The following ANO8 variants were observed in gnomAD, a reference collection of about 807,000 sequenced individuals.
ANO8 encodes the protein anoctamin-8.
A neutral mutation model predicts 120.4 loss-of-function variants in ANO8; 67 were observed. The observed-to-expected ratio is 0.56, with a 90% CI of 0.46 to 0.68. The LOEUF (loss-of-function observed/expected upper bound fraction) is 0.68. ANO8 is among the 30% of genes least tolerant of loss of function. The pLI is 0.00. For missense variants in ANO8, 1,526 were observed against 1,737.6 expected (o/e 0.88, Z 2.16); for synonymous variants, 727 against 759.2 (o/e 0.96, Z 0.70).
chr19:17,323,311 CTGTGTGTG>C lies in ANO8; in HGVS notation c.*198_*205del, dbSNP rs58263758. The C allele has an allele frequency of 6.4e-4, 211 of 327,570 alleles. 2 individuals carry two copies. Among genetic ancestry groups the C allele is most frequent in the African/African-American group, 2.6e-3 (117 of 45,708 alleles). The allele number at this position is 327,570 out of a possible 1,614,324, so 20.3% of individuals were successfully genotyped here. On this transcript the variant is annotated 3_prime_UTR_variant, in exon 18 of 18. Transcript: ENST00000159087. ...AAAAACAAATAAATAATCGCCTGTT[CTGTGTGTG>C]TGTGTGTGTGTGTGTGTGTGTGTGT...
intron 13 of ANO8, 22 bp downstream of exon 13, chr19:17,328,140 C>G: frequency 1.3e-6 from 2 of 1,518,662 alleles, no homozygotes; most frequent in Non-Finnish European, 1.8e-6. Flanking sequence ...CCGCCCCCTG[C>G]GAGGCCCCGC....
At position 17,327,322 on chromosome 19, in the gene ANO8, G is replaced by T. The variant is rs1568358847; in HGVS notation, c.2574C>A (p.Tyr858Ter). 6.5e-7 allele frequency: 1 copy of T among 1,550,360 alleles called. No individual in the cohort carries two copies. Among genetic ancestry groups the T allele is most frequent in the East Asian group, 2.4e-5 (1 of 40,930 alleles). Reference protein sequence around the residue: ...VLEHFALLLKYLIHVAIPDIP... With the variant: ...VLEHFALLLK ...TATCGGGGATGGCCACGTGGATGAG[G>T]TACTTGAGGAGCAGAGCGAAGTGCT... Residue 858 changes from tyrosine (Y) to a stop codon, truncating the protein, a stop_gained, in exon 16 of 18, where the codon TAC (tyrosine) becomes TAA (stop). Transcript: ENST00000159087. LOFTEE classifies it high-confidence loss of function.
At position 17,323,739 on chromosome 19, in the gene ANO8, GC is replaced by G; in HGVS notation, c.3476del (p.Gly1159AlafsTer160). ...GGGCCTGGCGGGGGGCGGCACCCTC[GC>G]CCCCGCAGCCCCAGGGCCCGTCCCA... ...WQWDGPWGCGGEGAAPRQALA... is the reference protein window; with the variant it reads ...WQWDGPWGCGXEGAAPRQALA... On this transcript the variant is annotated frameshift_variant, in exon 18 of 18. Transcript: ENST00000159087. LOFTEE classifies it low-confidence loss of function (END_TRUNC). 8.3e-7 allele frequency: 1 copy of G among 1,202,062 alleles called. No individual in the cohort carries two copies. Among genetic ancestry groups the G allele is most frequent in the Non-Finnish European group, 1.0e-6 (1 of 968,106 alleles). 74.5% of individuals were successfully genotyped at this position (1,202,062 alleles called of 1,614,324 possible).
chr19:17,333,030 C>A lies in ANO8; in HGVS notation c.490-4G>T. ...AGCGGATGATGCTCTGGCGTTCCTG[C>A]GAGGAAGAGGGCGTGAGCTCAGGGA... On this transcript the variant is annotated splice_polypyrimidine_tract_variant and splice_region_variant and intron_variant, in intron 4 of 17. Transcript: ENST00000159087. This position sits in a 1 kb window ranked among gnomAD's most constrained non-coding sequence, Gnocchi z 7.2. 1 of 1,614,038 alleles carries A rather than the reference C, an allele frequency of 6.2e-7. No homozygotes were observed. Among genetic ancestry groups the A allele is most frequent in the Non-Finnish European group, 8.5e-7 (1 of 1,180,018 alleles).
Position 17,325,235 on chromosome 19 carries a change from T to G in ANO8, c.2813A>C (p.Asp938Ala). Residue 938 changes from aspartate to alanine, a missense_variant, in exon 17 of 18, where the codon GAC (aspartate) becomes GCC (alanine). Physicochemically the swap from Asp to Ala is moderately radical, Grantham distance 126. Coordinates refer to ENST00000159087, the MANE Select transcript of ANO8 (RefSeq NM_020959.3). ...EEARAEGSGL[D>A]PATSSEKASA... ...GGCCTTCTCGGAGGAGGTGGCAGGG[T>G]CCAGCCCAGAGCCCTCGGCCCTCGC... 1 of 1,610,998 alleles carries G rather than the reference T, an allele frequency of 6.2e-7. No homozygotes were observed. The highest frequency in any genetic ancestry group is 8.5e-7 in the Non-Finnish European group (1 of 1,179,804).
Position 17,323,475 on chromosome 19 carries a change from G to T in ANO8, c.*42C>A. ...TTGGAGACCGGCCGCCCCTGTGAATGACTGATATTGCATATGAGAAGAGAA... is the reference window on the plus strand; with the variant it reads ...TTGGAGACCGGCCGCCCCTGTGAATTACTGATATTGCATATGAGAAGAGAA... On this transcript the variant is annotated 3_prime_UTR_variant, in exon 18 of 18. Transcript: ENST00000159087. 7.8e-7 allele frequency: 1 copy of T among 1,288,746 alleles called. No individual in the cohort carries two copies. Among genetic ancestry groups the T allele is most frequent in the South Asian group, 3.2e-5 (1 of 31,212 alleles). 79.8% of individuals were successfully genotyped at this position (1,288,746 alleles called of 1,614,324 possible). A position where few individuals can be genotyped will look rare whatever the true frequency, so the allele number is the denominator to read the frequency against.
chr19:17,323,659 TG>T lies in ANO8; in HGVS notation c.3556del (p.Gln1186SerfsTer133), dbSNP rs1256251015. The T allele has an allele frequency of 2.8e-4, 16 of 57,640 alleles. No individual in the cohort carries two copies. Among genetic ancestry groups the T allele is most frequent in the African/African-American group, 6.0e-4 (1 of 1,678 alleles). The allele number at this position is 57,640 out of a possible 1,614,324, so 3.6% of individuals were successfully genotyped here. A position where few individuals can be genotyped will look rare whatever the true frequency, so the allele number is the denominator to read the frequency against. ...CAMAGPPPAPQPLPGDASFYS... is the reference protein window; with the variant it reads ...CAMAGPPPAPXPLPGDASFYS... Reference sequence around the variant, plus strand: ...AAAGCTGGCGTCTCCCGGCAGGGGCTGGGGGGCGGGTGGGGGCCCGGCCATG... The same window carrying T: ...AAAGCTGGCGTCTCCCGGCAGGGGCTGGGGGCGGGTGGGGGCCCGGCCATG... On this transcript the variant is annotated frameshift_variant, in exon 18 of 18. Transcript: ENST00000159087. LOFTEE classifies it low-confidence loss of function (END_TRUNC).
rs746998081 is a variant in ANO8 at position 17,323,490 on chromosome 19, TGAGAA to T, written c.*22_*26del. 1.6e-6 allele frequency: 2 copies of T among 1,289,306 alleles called. No homozygotes were observed. 79.9% of individuals were successfully genotyped at this position (1,289,306 alleles called of 1,614,324 possible). ...CCCTGTGAATGACTGATATTGCATA[TGAGAA>T]GAGAAGGCAGGGCGGGTAGAGCTAA... On this transcript the variant is annotated 3_prime_UTR_variant, in exon 18 of 18. Transcript: ENST00000159087.
In ANO8 at chr19:17,334,584, G is replaced by C. The variant is rs764921460; in HGVS notation, c.87C>G (p.Ala29=). The C allele has an allele frequency of 2.1e-5, 33 of 1,552,390 alleles. No individual in the cohort carries two copies. Among genetic ancestry groups the C allele is most frequent in the Non-Finnish European group, 2.9e-5 (33 of 1,157,540 alleles). The change falls in exon 1 of 18, where the codon GCC becomes GCG. Residue 29 remains alanine, a synonymous_variant. Transcript: ENST00000159087. ...KRPPPEGEPA[A]PASGVLDKLF... is the part of the protein sequence containing the mutation. Reference sequence around the variant, plus strand: ...ACATACCCAGAACTCCGGACGCCGGGGCTGCAGGCTCGCCCTCCGGCGGGG... The same window carrying C: ...ACATACCCAGAACTCCGGACGCCGGCGCTGCAGGCTCGCCCTCCGGCGGGG...
chr19:17,329,577 TG>T (rs1758979718), intron 12 of ANO8, 179 bp downstream of exon 12: 3 of 610,508 alleles, frequency 4.9e-6, no homozygotes, highest in Non-Finnish European at 8.7e-6. Flanking sequence ...GACGGACAGA[TG>T]GGGGGACGAC....
chr19:17,334,154 C>A (rs934058351), intron 1 of ANO8, among the ~76,000 whole-genome samples: 1 of 152,236 alleles, frequency 6.6e-6, no homozygotes, highest in South Asian at 2.1e-4. Context: ...GCGGTTCTTA[C>A]CCCCATTTCA....
intron 12 of ANO8, 165 bp from the exon 13 acceptor site, chr19:17,329,148 C>T (rs1373895796): frequency 5.6e-6 from 3 of 539,020 alleles, no homozygotes; most frequent in East Asian, 7.1e-5. Flanking sequence ...GCGAGGCCCC[C>T]AGCGCTCAGC....
At position 17,328,597 on chromosome 19, in the gene ANO8, C is replaced by T; in HGVS notation, c.1791G>A (p.Glu597=). ...CCCCTTCCTCGCCCTCCTCCTCGTC[C>T]TCCTCTTCCTCCTCGTCCTCCTCCT... ...DEEEEDEEEE[E]DEEEGEEGGL... The change falls in exon 13 of 18, where the codon GAG becomes GAA. Residue 597 remains glutamate, a synonymous_variant. Coordinates refer to ENST00000159087, the MANE Select transcript of ANO8 (RefSeq NM_020959.3). The T allele has an allele frequency of 1.3e-6, 2 of 1,544,364 alleles. No individual in the cohort carries two copies.
At position 17,330,816 on chromosome 19, in the gene ANO8, C is replaced by T; in HGVS notation, c.993+12G>A. Reference sequence around the variant, plus strand: ...CCTGTCTCCATGACCCTGGACTCAGCCCCCAACTGACCCTGAACTGGGGGC... The same window carrying T: ...CCTGTCTCCATGACCCTGGACTCAGTCCCCAACTGACCCTGAACTGGGGGC... On this transcript the variant is annotated intron_variant, in intron 8 of 17. Transcript: ENST00000159087. 1.2e-6 allele frequency: 2 copies of T among 1,611,108 alleles called. No individual in the cohort carries two copies. Among genetic ancestry groups the T allele is most frequent in the South Asian group, 2.2e-5 (2 of 90,722 alleles).
rs1047044204 is a variant in ANO8 at position 17,327,228 on chromosome 19, C to T, written c.2661+7G>A. ...TGAGAAAACCGAGCCCAGCCTGGCC[C>T]CCCTACCTTAAAGGCCTCGCGGCGC... On this transcript the variant is annotated splice_region_variant and intron_variant, in intron 16 of 17. Transcript: ENST00000159087. 17 of 1,527,948 alleles carry T rather than the reference C, an allele frequency of 1.1e-5. No individual in the cohort carries two copies. The highest frequency in any genetic ancestry group is 1.4e-5 in the Non-Finnish European group (16 of 1,132,384). 94.6% of individuals were successfully genotyped at this position (1,527,948 alleles called of 1,614,324 possible).
intron 6 of ANO8, 25 bp from the exon 7 acceptor site, chr19:17,331,240 G>GA (rs749054152): frequency 6.2e-6 from 10 of 1,614,032 alleles, no homozygotes; most frequent in Non-Finnish European, 8.5e-6. Context: ...GTGGGTCTCA[G>GA]TCACCCCCTG....
At chr19:17,328,124 G>A in intron 13 of ANO8, 38 bp downstream of exon 13, 10 of 1,487,896 alleles carry the variant, frequency 6.7e-6, no homozygotes, top group Non-Finnish European at 9.0e-6. Flanking sequence ...CGTCCCCGGC[G>A]AGGCCCCGCC....
intron 16 of ANO8, among the ~76,000 whole-genome samples, chr19:17,326,208 GAC>G (rs1491412211): frequency 6.6e-6 from 1 of 152,220 alleles, no homozygotes; most frequent in Non-Finnish European, 1.5e-5. Flanking sequence ...ACAGGCAAGA[GAC>G]AGAACCGTGG....
chr19:17,327,761 G>A lies in ANO8; in HGVS notation c.2346C>T (p.Ser782=). The stretch of plus-strand genomic sequence containing the variant: ...GCCCGGTGCACAGCTTGAAGGCGTC[G>A]CTGCGGATCTCAATGAGGTTGTTGA... The part of the protein sequence containing the change: ...ALVNNLIEIR[S]DAFKLCTGLQ... Residue 782 remains serine, a synonymous_variant, in exon 14 of 18, where the codon AGC becomes AGT. Transcript: ENST00000159087. 6.2e-7 allele frequency: 1 copy of A among 1,614,138 alleles called. No homozygotes were observed. The highest frequency in any genetic ancestry group is 8.5e-7 in the Non-Finnish European group (1 of 1,180,004).
Sources: allele counts gnomAD v4.1 joint callset (sites outside exome capture counted in the v4.1 genomes callset), GRCh38; gene constraint gnomAD v4.1.1; non-coding constraint Gnocchi (gnomAD v3.1); transcripts MANE v1.5; gene names NCBI Gene and HGNC (gene_info 2026-07-23, HGNC 2026-07-21).